The following CDH17 variants were observed in gnomAD, a reference collection of about 807,000 sequenced individuals.
The protein encoded by CDH17 is cadherin 17, also known as cadherin-17.
A neutral mutation model predicts 86.3 loss-of-function variants in CDH17; 67 were observed. That is an observed-to-expected ratio of 0.78 (90% CI 0.64 to 0.95). The LOEUF (loss-of-function observed/expected upper bound fraction) is 0.95, where lower values mean the gene tolerates loss of function less well. CDH17 is among the 40% of genes least tolerant of loss of function. The pLI is 0.00. For missense variants in CDH17, 993 were observed against 1,017.6 expected, an observed-to-expected ratio of 0.98 and a Z score of 0.33; for synonymous variants, 367 against 366.4, an observed-to-expected ratio of 1.00 and a Z score of -0.02.
intron 9 of CDH17, among the ~76,000 whole-genome samples, chr8:94,167,892 A>T (rs1813186562): frequency 6.6e-6 from 1 of 151,960 alleles, no homozygotes; most frequent in African/African-American, 2.4e-5. Context: ...AGTGGAGCTC[A>T]AACTGATACA....
intron 1 of CDH17, among the ~76,000 whole-genome samples, chr8:94,203,992 A>G (rs948592818): frequency 2.0e-5 from 3 of 152,318 alleles, no homozygotes; most frequent in Non-Finnish European, 4.4e-5. Flanking sequence ...TGTTCTACCA[A>G]TAGGTTCATG....
intron 15 of CDH17, among the ~76,000 whole-genome samples, chr8:94,143,835 G>A (rs953859247): frequency 1.3e-5 from 2 of 152,172 alleles, no homozygotes; most frequent in Admixed American, 6.5e-5. Context: ...TTGGTTTAAA[G>A]GACTATTGTT....
At chr8:94,159,638 C>CA (rs1451171597) in intron 12 of CDH17, among the ~76,000 whole-genome samples, 4 of 152,094 alleles carry the variant, frequency 2.6e-5, no homozygotes, top group Admixed American at 2.6e-4. Context: ...AGATAAATGA[C>CA]AAACAAGTTT....
chr8:94,151,857 T>C lies in CDH17; in HGVS notation c.1796+11A>G, dbSNP rs1006462681. On this transcript the variant is annotated intron_variant, in intron 13 of 17. Transcript: ENST00000027335. ...ACGCAGCCAGGCCTGCCCAGCACTGTTGCCCTTTACCTTATGTCCAGACCT... is the reference window on the plus strand; with the variant it reads ...ACGCAGCCAGGCCTGCCCAGCACTGCTGCCCTTTACCTTATGTCCAGACCT... 7.4e-6 allele frequency: 12 copies of C among 1,614,058 alleles called. No homozygotes were observed. Among genetic ancestry groups the C allele is most frequent in the Non-Finnish European group, 1.0e-5 (12 of 1,179,938 alleles).
At position 94,148,730 on chromosome 8, in the gene CDH17, T is replaced by TG; in HGVS notation, c.1927+13_1927+14insC. The TG allele has an allele frequency of 7.0e-7, 1 of 1,425,366 alleles. No homozygotes were observed. The highest frequency in any genetic ancestry group is 9.1e-7 in the Non-Finnish European group (1 of 1,096,174). 88.3% of individuals were successfully genotyped at this position (1,425,366 alleles called of 1,614,324 possible). A position where few individuals can be genotyped will look rare whatever the true frequency, so the allele number is the denominator to read the frequency against. ...GTGTTCCTTTTTTTTTGTTTTTTTT[T>TG]TTTTTTTGCTTACCTACTTCTGTGG... On this transcript the variant is annotated intron_variant, in intron 14 of 17. Transcript: ENST00000027335.
At position 94,128,289 on chromosome 8, in the gene CDH17, T is replaced by A. The variant is rs766854289; in HGVS notation, c.2450A>T (p.Asp817Val). The A allele has an allele frequency of 6.8e-6, 11 of 1,613,628 alleles. No individual in the cohort carries two copies. Among genetic ancestry groups the A allele is most frequent in the Non-Finnish European group, 7.6e-6 (9 of 1,179,844 alleles). ...FIRIKKDKGK[D>V]NVESAQASEV... ...AGATGCTTGAGCACTTTCAACATTA[T>A]CTTTGCCTTTATCCTTCTTTATGCG... The change falls in exon 18 of 18, where the codon GAT (aspartate) becomes GTT (valine). Residue 817 changes from aspartate to valine, a missense_variant. Transcript: ENST00000027335.
intron 11 of CDH17, among the ~76,000 whole-genome samples, chr8:94,161,511 C>T (rs557159217): frequency 3.3e-5 from 5 of 152,276 alleles, no homozygotes; most frequent in East Asian, 3.9e-4. Context: ...AACGCCCTAT[C>T]GATGACAAGA....
chr8:94,178,320 C>A (rs1813412939), intron 3 of CDH17, among the ~76,000 whole-genome samples: 1 of 151,950 alleles, frequency 6.6e-6, no homozygotes, highest in African/African-American at 2.4e-5. Context: ...TTTTAGTATA[C>A]TTTTATATAT....
intron 15 of CDH17, among the ~76,000 whole-genome samples, chr8:94,140,313 C>A (rs968269756): frequency 6.6e-6 from 1 of 151,902 alleles, no homozygotes; most frequent in African/African-American, 2.4e-5. Flanking sequence ...ACGTGTAGTC[C>A]CAGCTACTTG....
At chr8:94,205,384 A>G (rs1187494782) in intron 1 of CDH17, among the ~76,000 whole-genome samples, 1 of 152,236 alleles carries the variant, frequency 6.6e-6, no homozygotes, top group East Asian at 1.9e-4. Context: ...GGCCTTAGAA[A>G]TTCAGTAGGA....
At chr8:94,150,967 T>C (rs1229665502) in intron 13 of CDH17, among the ~76,000 whole-genome samples, 1 of 152,190 alleles carries the variant, frequency 6.6e-6, no homozygotes. Context: ...TGCTTCTCAA[T>C]GATCAGATAA....
intron 3 of CDH17, among the ~76,000 whole-genome samples, chr8:94,183,445 A>T (rs1813520308): frequency 1.3e-5 from 2 of 152,142 alleles, no homozygotes; most frequent in Admixed American, 1.3e-4. Flanking sequence ...TCTGATGAGG[A>T]TGCTAAATTC....
chr8:94,190,163 A>G (rs778707801), intron 2 of CDH17, among the ~76,000 whole-genome samples: 8 of 152,214 alleles, frequency 5.3e-5, no homozygotes, highest in Non-Finnish European at 7.3e-5. Flanking sequence ...CCCTTGTTTA[A>G]CAGGTGATGA....
rs1282100908 is a variant in CDH17, at chr8:94,204,347, G to A, written c.-21+4136C>T. Reference sequence around the variant, plus strand: ...GCCCCGATGTGTGATGTTCCCCTGTGTCATGTGTTCTCATTGTTAACTCCC... The same window carrying A: ...GCCCCGATGTGTGATGTTCCCCTGTATCATGTGTTCTCATTGTTAACTCCC... On this transcript the variant is annotated intron_variant, in intron 1 of 17. Coordinates refer to ENST00000027335, the MANE Select transcript of CDH17 (RefSeq NM_004063.4). Among the ~76,000 whole-genome samples, 4 of 152,038 alleles carry A rather than the reference G, an allele frequency of 2.6e-5. No individual in the cohort carries two copies. The East Asian group carries it at 5.8e-4, about 22-fold the overall frequency.
chr8:94,162,561 A>T (rs148331179), intron 10 of CDH17, among the ~76,000 whole-genome samples: 2 of 152,188 alleles, frequency 1.3e-5, no homozygotes, highest in Non-Finnish European at 1.5e-5. Context: ...TGAGCATCCC[A>T]GTGGCTGTCT....
chr8:94,140,427 TA>T (rs923028727), intron 15 of CDH17, among the ~76,000 whole-genome samples: 111 of 149,522 alleles, frequency 7.4e-4, no homozygotes, highest in African/African-American at 2.2e-3. Flanking sequence ...CCCTGTCTAT[TA>T]AAAAAAAAAT....
At chr8:94,166,299 G>A (rs999965580) in intron 9 of CDH17, among the ~76,000 whole-genome samples, 1 of 152,180 alleles carries the variant, frequency 6.6e-6, no homozygotes, top group Non-Finnish European at 1.5e-5. Flanking sequence ...GTGAGTGGCT[G>A]TCTTTTCCTT....
intron 10 of CDH17, 89 bp downstream of exon 10, chr8:94,165,672 A>G: frequency 1.1e-6 from 1 of 879,722 alleles, no homozygotes; most frequent in Non-Finnish European, 1.9e-6. Flanking sequence ...GCATCATTCT[A>G]TAACATACCA....
At chr8:94,196,432 C>A (rs1813786596) in intron 1 of CDH17, among the ~76,000 whole-genome samples, 1 of 152,044 alleles carries the variant, frequency 6.6e-6, no homozygotes, top group South Asian at 2.1e-4. Context: ...AGGCGGGAAA[C>A]AATGGTTCAC....
Sources: gnomAD v4.1 joint callset for allele counts (sites outside exome capture counted in the v4.1 genomes callset) on GRCh38, gnomAD v4.1.1 for gene constraint, MANE v1.5 for transcripts, NCBI Gene and HGNC (gene_info 2026-07-23, HGNC 2026-07-21) for gene names.